COMMD10: variants seen among roughly 807,000 people sequenced by gnomAD.
The protein encoded by COMMD10 is COMM domain containing 10.
A neutral mutation model predicts 28.9 loss-of-function variants in COMMD10; 33 were observed. That is an observed-to-expected ratio of 1.14 (90% CI 0.87 to 1.53). COMMD10 has a LOEUF of 1.53. Among genes scored for constraint, COMMD10 ranks in the 40% most tolerant of loss-of-function variants. The pLI is 0.00. For missense variants in COMMD10, 310 were observed against 233.4 expected, an observed-to-expected ratio of 1.33 and a Z score of -2.14; for synonymous variants, 110 against 81.7, an observed-to-expected ratio of 1.35 and a Z score of -1.87.
intron 5 of COMMD10, among the ~76,000 whole-genome samples, chr5:116,174,889 G>C (rs577475334): frequency 6.6e-6 from 1 of 152,196 alleles, no homozygotes; most frequent in East Asian, 1.9e-4. Context: ...GTTTCTAAAT[G>C]TTTACCAAAG....
chr5:116,202,140 G>GT (rs1009446351), intron 5 of COMMD10, among the ~76,000 whole-genome samples: 2 of 149,528 alleles, frequency 1.3e-5, no homozygotes, highest in Non-Finnish European at 3.0e-5. Context: ...TGCAGTGTTT[G>GT]TTTTTTTGTC....
intron 5 of COMMD10, among the ~76,000 whole-genome samples, chr5:116,288,876 T>C (rs955909094): frequency 1.8e-5 from 2 of 110,888 alleles, no homozygotes; most frequent in South Asian, 2.9e-4. Flanking sequence ...CTCTCTCTTT[T>C]TTTTTTTTTT....
At chr5:116,135,061 TAA>T (rs1751986704) in intron 5 of COMMD10, among the ~76,000 whole-genome samples, 3 of 152,216 alleles carry the variant, frequency 2.0e-5, no homozygotes, top group African/African-American at 7.2e-5. Context: ...TCAGATATGA[TAA>T]GAGCTTTTTA....
intron 5 of COMMD10, among the ~76,000 whole-genome samples, chr5:116,232,426 C>G (rs1749551403): frequency 6.6e-6 from 1 of 151,870 alleles, no homozygotes; most frequent in African/African-American, 2.4e-5. Flanking sequence ...AGGATAAATT[C>G]AATCCATGGT....
intron 5 of COMMD10, among the ~76,000 whole-genome samples, chr5:116,147,254 A>G (rs540983283): frequency 2.4e-4 from 36 of 152,024 alleles, no homozygotes; most frequent in African/African-American, 8.7e-4. Flanking sequence ...TTCATAAAGC[A>G]GTGGGAATAT....
At chr5:116,092,835 T>TA in intron 4 of COMMD10, 135 bp downstream of exon 4, 1 of 529,780 alleles carries the variant, frequency 1.9e-6, no homozygotes, top group Non-Finnish European at 3.2e-6. Flanking sequence ...CTCCTCAACT[T>TA]ACAATGGCCT....
chr5:116,164,641 A>T (rs571436544), intron 5 of COMMD10, among the ~76,000 whole-genome samples: 71 of 152,334 alleles, frequency 4.7e-4, no homozygotes, highest in Admixed American at 1.3e-3. Flanking sequence ...TTTACAAATG[A>T]CCACATGTAT....
intron 5 of COMMD10, among the ~76,000 whole-genome samples, chr5:116,286,744 T>C (rs933137045): frequency 2.6e-5 from 4 of 151,856 alleles, no homozygotes; most frequent in Admixed American, 6.6e-5. Flanking sequence ...GATTTCAGTC[T>C]TCTGGAATTT....
At chr5:116,257,395 AT>A (rs1750317370) in intron 5 of COMMD10, among the ~76,000 whole-genome samples, 1 of 151,634 alleles carries the variant, frequency 6.6e-6, no homozygotes, top group South Asian at 2.1e-4. Context: ...TCCTAACAGT[AT>A]TTTCAGCTTC....
chr5:116,222,010 G>A (rs765234133), intron 5 of COMMD10, among the ~76,000 whole-genome samples: 1 of 152,184 alleles, frequency 6.6e-6, no homozygotes, highest in South Asian at 2.1e-4. Context: ...ACCAGGAGTG[G>A]ATGTGGGTAA....
At chr5:116,283,580 C>T (rs962301093) in intron 5 of COMMD10, among the ~76,000 whole-genome samples, 8 of 151,626 alleles carry the variant, frequency 5.3e-5, no homozygotes, top group Non-Finnish European at 1.2e-4. Context: ...CTCCTGACCT[C>T]AGGTGATCTG....
rs1182779112 is a variant in COMMD10 at position 116,175,859 on chromosome 5, A to T, written c.510+41681A>T. On this transcript the variant is annotated intron_variant, in intron 5 of 6. Transcript: ENST00000274458. ...GACAGAAAGTAGAATGGTAGTTGCT[A>T]GAGGCCAGGGGGAATGAGGAGTAGG... Among the ~76,000 whole-genome samples, 3 of 152,132 alleles carry T rather than the reference A, an allele frequency of 2.0e-5. No individual in the cohort carries two copies. In the East Asian group the frequency reaches 5.8e-4, roughly 29 times the overall value.
chr5:116,219,961 C>G (rs1749203591), intron 5 of COMMD10, among the ~76,000 whole-genome samples: 1 of 151,908 alleles, frequency 6.6e-6, no homozygotes, highest in African/African-American at 2.4e-5. Context: ...ATTAAATAGT[C>G]TCTACTTTTT....
chr5:116,289,815 C>T (rs1751318543), intron 5 of COMMD10, among the ~76,000 whole-genome samples: 1 of 151,980 alleles, frequency 6.6e-6, no homozygotes, highest in African/African-American at 2.4e-5. Flanking sequence ...GCTGTAGCAT[C>T]TCAACTGGTC....
chr5:116,268,416 A>T (rs1750661081), intron 5 of COMMD10, among the ~76,000 whole-genome samples: 1 of 151,932 alleles, frequency 6.6e-6, no homozygotes, highest in African/African-American at 2.4e-5. Flanking sequence ...ATCTCATACC[A>T]GTTAGAATGG....
chr5:116,251,618 T>C (rs1204429190), intron 5 of COMMD10, among the ~76,000 whole-genome samples: 19 of 151,128 alleles, frequency 1.3e-4, no homozygotes, highest in African/African-American at 4.4e-4. Context: ...ACAAAGGACA[T>C]GAACTCATCA....
chr5:116,149,903 T>C (rs1340565328), intron 5 of COMMD10, among the ~76,000 whole-genome samples: 1 of 151,770 alleles, frequency 6.6e-6, no homozygotes, highest in Admixed American at 6.6e-5. Context: ...GCCATTGCTT[T>C]TGGTGTTTTA....
At chr5:116,184,270 T>C (rs1748069201) in intron 5 of COMMD10, among the ~76,000 whole-genome samples, 1 of 151,210 alleles carries the variant, frequency 6.6e-6, no homozygotes, top group African/African-American at 2.4e-5. Context: ...ACTCCCTAAT[T>C]ATGTATTTAC....
At chr5:116,092,867 C>T (rs942863943) in intron 4 of COMMD10, among the ~76,000 whole-genome samples, 167 bp downstream of exon 4, 5 of 152,150 alleles carry the variant, frequency 3.3e-5, no homozygotes, top group Non-Finnish European at 5.9e-5. Context: ...AGACCTGTCA[C>T]AAATTGAAAA....
Sources: allele counts gnomAD v4.1 joint callset (sites outside exome capture counted in the v4.1 genomes callset), GRCh38; gene constraint gnomAD v4.1.1; transcripts MANE v1.5; gene names NCBI Gene and HGNC (gene_info 2026-07-23, HGNC 2026-07-21).